DNAH11: variants seen among roughly 807,000 people sequenced by gnomAD.
DNAH11 encodes axonemal beta dynein heavy chain 11.
In DNAH11, 442 loss-of-function variants were observed where a neutral mutation model predicts 526.0. The ratio of observed to expected loss-of-function variants is 0.84; its 90% CI spans 0.78 to 0.91. The LOEUF is 0.91. Ranked by LOEUF, DNAH11 falls within the 40% of genes least tolerant of loss-of-function variation. The pLI, the probability that DNAH11 is intolerant of heterozygous loss-of-function variation, is 0.00. For synonymous variants in DNAH11, 2,461 were observed against 1,935.9 expected (o/e 1.27, Z -7.12); for missense variants, 6,989 against 5,448.7 (o/e 1.28, Z -8.90).
intron 79 of DNAH11, among the ~76,000 whole-genome samples, chr7:21,897,438 T>C (rs1784557839): frequency 1.8e-5 from 2 of 111,968 alleles, no homozygotes; most frequent in South Asian, 6.0e-4. Flanking sequence ...AAAGCTAGCA[T>C]ACTTCTTTTC....
intron 2 of DNAH11, among the ~76,000 whole-genome samples, chr7:21,548,967 T>C (rs959992476): frequency 6.6e-6 from 1 of 151,892 alleles, no homozygotes; most frequent in African/African-American, 2.4e-5. Context: ...CTGCAACCTC[T>C]GCCTCCCCAG....
At chr7:21,831,231 C>T (rs758632881) in intron 65 of DNAH11, among the ~76,000 whole-genome samples, 2 of 152,194 alleles carry the variant, frequency 1.3e-5, no homozygotes, top group Non-Finnish European at 2.9e-5. Flanking sequence ...TAGCTACCTT[C>T]AGTGTTCTAG....
intron 25 of DNAH11, among the ~76,000 whole-genome samples, chr7:21,626,380 C>G (rs1414906458): frequency 6.6e-6 from 1 of 152,124 alleles, no homozygotes; most frequent in Non-Finnish European, 1.5e-5. Flanking sequence ...TAGGTCAATT[C>G]TGTATTTTGG....
intron 80 of DNAH11, 93 bp from the exon 81 acceptor site, chr7:21,899,887 A>T: frequency 6.8e-7 from 1 of 1,477,078 alleles, no homozygotes; most frequent in South Asian, 1.3e-5. Flanking sequence ...AAAACACCCT[A>T]TGGGACTAAA....
chr7:21,593,720 C>G (rs1422855167), intron 14 of DNAH11, among the ~76,000 whole-genome samples: 3 of 151,922 alleles, frequency 2.0e-5, no homozygotes, highest in African/African-American at 7.3e-5. Context: ...GAGTTGATTT[C>G]TTGTTGTTAC....
Position 21,543,527 on chromosome 7 carries a change from G to A in DNAH11, c.282G>A (p.Leu94=). 1 of 1,609,982 alleles carries A rather than the reference G, an allele frequency of 6.2e-7. No homozygotes were observed. Among genetic ancestry groups the A allele is most frequent in the Non-Finnish European group, 8.5e-7 (1 of 1,178,166 alleles). ...EDNRQVLGEF[L]ESTSPACLVF... ...ACCGGCAGGTTCTTGGGGAGTTTCT[G>A]GAAAGCACCAGCCCGGCTTGCCTTG... The change falls in exon 1 of 82, where the codon CTG becomes CTA. Residue 94 remains leucine (L), a synonymous_variant. Transcript: ENST00000409508.
Position 21,588,135 on chromosome 7 carries a change from A to T in DNAH11, c.1782A>T (p.Thr594=), listed in dbSNP as rs1283115811. ...AAATTTTCAGCCTACATTACAGCAC[A>T]CTAGTGCATATGTTTAATACAGAGC... The part of the protein sequence containing the change: ...VMEIFSLHYS[T]LVHMFNTELD... The change falls in exon 10 of 82, where the codon ACA becomes ACT. Residue 594 remains threonine (T), a synonymous_variant. Coordinates refer to ENST00000409508, the MANE Select transcript of DNAH11 (RefSeq NM_001277115.2). 1 of 1,613,376 alleles carries T rather than the reference A, an allele frequency of 6.2e-7. No individual in the cohort carries two copies.
At chr7:21,853,827 A>G (rs1473131078) in intron 67 of DNAH11, among the ~76,000 whole-genome samples, 1 of 152,266 alleles carries the variant, frequency 6.6e-6, no homozygotes, top group East Asian at 1.9e-4. Context: ...AGTTAGAATT[A>G]GGCATGAGAG....
intron 63 of DNAH11, among the ~76,000 whole-genome samples, chr7:21,808,837 G>T (rs897775141): frequency 1.3e-5 from 2 of 152,168 alleles, no homozygotes; most frequent in Non-Finnish European, 2.9e-5. Context: ...TAGTGATGCA[G>T]TAAACATAGG....
At chr7:21,885,813 G>T (rs1784105918) in intron 76 of DNAH11, among the ~76,000 whole-genome samples, 1 of 152,194 alleles carries the variant, frequency 6.6e-6, no homozygotes, top group African/African-American at 2.4e-5. Flanking sequence ...GGAAGAGGTA[G>T]ATCACCCCTG....
intron 28 of DNAH11, among the ~76,000 whole-genome samples, chr7:21,649,995 A>G (rs1251245110): frequency 6.6e-6 from 1 of 152,138 alleles, no homozygotes; most frequent in Non-Finnish European, 1.5e-5. Flanking sequence ...TGTGGTAAGC[A>G]CAAGAGTTGT....
intron 25 of DNAH11, among the ~76,000 whole-genome samples, chr7:21,623,214 G>A (rs1197585408): frequency 2.0e-5 from 3 of 152,050 alleles, no homozygotes; most frequent in African/African-American, 4.8e-5. Flanking sequence ...ACATGAAAAA[G>A]TGCTCATCAT....
At chr7:21,818,975 G>T (rs1393956037) in intron 65 of DNAH11, among the ~76,000 whole-genome samples, 2 of 151,986 alleles carry the variant, frequency 1.3e-5, no homozygotes, top group Admixed American at 6.6e-5. Context: ...TTCTCTCAGG[G>T]GCATTGAAGC....
rs1364465824 is a variant in DNAH11 at position 21,739,565 on chromosome 7, T to C, written c.7812-6T>C. 1.9e-6 allele frequency: 3 copies of C among 1,608,762 alleles called. No individual in the cohort carries two copies. The African/African-American group carries it at 4.0e-5, about 22-fold the overall frequency. Reference sequence around the variant, plus strand: ...TGGATTTAAGGTTCTGTTTTCTGTCTTTCAGGTATGATAGACAGAAGGTGA... The same window carrying C: ...TGGATTTAAGGTTCTGTTTTCTGTCCTTCAGGTATGATAGACAGAAGGTGA... On this transcript the variant is annotated splice_region_variant and splice_polypyrimidine_tract_variant and intron_variant, in intron 47 of 81. Transcript: ENST00000409508.
intron 20 of DNAH11, among the ~76,000 whole-genome samples, chr7:21,608,068 T>C (rs17144779): frequency 0.078 from 11,841 of 151,612 alleles, 589 homozygotes; most frequent in South Asian, 0.13. Flanking sequence ...TCAGAAATTT[T>C]AACCACTATA....
intron 29 of DNAH11, among the ~76,000 whole-genome samples, chr7:21,657,815 A>G (rs148355599): frequency 1.2e-3 from 176 of 152,274 alleles, no homozygotes; most frequent in African/African-American, 3.9e-3. Flanking sequence ...CCATTTCCAG[A>G]GCAGTGTTTC....
At chr7:21,681,878 C>A (rs1235370694) in intron 31 of DNAH11, among the ~76,000 whole-genome samples, 1 of 152,038 alleles carries the variant, frequency 6.6e-6, no homozygotes, top group Non-Finnish European at 1.5e-5. Flanking sequence ...CAAGTGATAT[C>A]CCAAAAGGTT....
intron 30 of DNAH11, among the ~76,000 whole-genome samples, chr7:21,678,969 G>GA (rs531478222): frequency 4.6e-5 from 7 of 152,102 alleles, no homozygotes. Context: ...CCAAGATGTA[G>GA]AAAAAACCCA....
chr7:21,576,865 G>GT (rs1240537304), intron 8 of DNAH11, among the ~76,000 whole-genome samples: 5 of 152,096 alleles, frequency 3.3e-5, no homozygotes, highest in African/African-American at 4.8e-5. Flanking sequence ...TGGGGTAGTG[G>GT]TTTTCTGGGC....
Sources: allele counts gnomAD v4.1 joint callset (sites outside exome capture counted in the v4.1 genomes callset), GRCh38; gene constraint gnomAD v4.1.1; transcripts MANE v1.5; gene names NCBI Gene and HGNC (gene_info 2026-07-23, HGNC 2026-07-21).